Variants in ERC2 observed in about 807,000 individuals in gnomAD.
The protein encoded by ERC2 is ERC protein 2.
Under a neutral mutation model 114.8 loss-of-function variants are expected in ERC2, and 42 were observed. The ratio of observed to expected loss-of-function variants is 0.37; its 90% confidence interval spans 0.29 to 0.47. The LOEUF (loss-of-function observed/expected upper bound fraction) is 0.47, where lower values mean the gene tolerates loss of function less well. Ranked by LOEUF, ERC2 falls within the 20% of genes least tolerant of loss-of-function variation. The pLI is 0.99. For missense variants in ERC2, 939 were observed against 1,150.7 expected (o/e 0.82, Z 2.66); for synonymous variants, 454 against 425.5 (o/e 1.07, Z -0.82).
intron 7 of ERC2, among the ~76,000 whole-genome samples, chr3:56,045,665 G>A (rs2075417707): frequency 6.6e-6 from 1 of 152,118 alleles, no homozygotes; most frequent in Non-Finnish European, 1.5e-5. Flanking sequence ...AACATGAAAG[G>A]ATTTCTGGAA....
intron 17 of ERC2, among the ~76,000 whole-genome samples, chr3:55,582,606 C>T (rs1037026633): frequency 1.1e-4 from 16 of 152,242 alleles, no homozygotes; most frequent in African/African-American, 3.9e-4. Flanking sequence ...TAAGCAAGCT[C>T]AGACTACCGA....
intron 1 of ERC2, among the ~76,000 whole-genome samples, chr3:56,458,914 G>C (rs1336994058): frequency 6.6e-6 from 1 of 152,220 alleles, no homozygotes; most frequent in Non-Finnish European, 1.5e-5. Context: ...TCCTCGAGGT[G>C]ATGACAGCTG....
intron 2 of ERC2, among the ~76,000 whole-genome samples, chr3:56,335,759 A>G (rs2057819843): frequency 6.6e-6 from 1 of 152,172 alleles, no homozygotes. Flanking sequence ...TGAAAAATGT[A>G]TCTAGGGACA....
At chr3:55,633,359 C>G (rs1389840761) in intron 17 of ERC2, among the ~76,000 whole-genome samples, 1 of 152,190 alleles carries the variant, frequency 6.6e-6, no homozygotes, top group East Asian at 1.9e-4. Context: ...GCTTTAAGAA[C>G]ACTAGGCAGT....
At chr3:56,184,298 T>C (rs2083461850) in intron 3 of ERC2, among the ~76,000 whole-genome samples, 2 of 152,166 alleles carry the variant, frequency 1.3e-5, no homozygotes, top group Admixed American at 6.5e-5. Flanking sequence ...TCAATAATTA[T>C]TGGACACCTA....
chr3:55,822,125 T>C (rs2060147742), intron 14 of ERC2, among the ~76,000 whole-genome samples: 1 of 152,236 alleles, frequency 6.6e-6, no homozygotes, highest in African/African-American at 2.4e-5. Flanking sequence ...TGGGCATTTA[T>C]TCTATTGGCT....
chr3:56,085,757 C>A (rs1439778234), intron 6 of ERC2, among the ~76,000 whole-genome samples: 1 of 152,160 alleles, frequency 6.6e-6, no homozygotes, highest in Non-Finnish European at 1.5e-5. Context: ...GCAGAACATG[C>A]TGAACACTCT....
intron 1 of ERC2, among the ~76,000 whole-genome samples, chr3:56,440,017 CAT>C (rs897533087): frequency 1.3e-5 from 2 of 152,168 alleles, no homozygotes; most frequent in African/African-American, 4.8e-5. Context: ...TAAAATGTAA[CAT>C]ATATATTTTC....
At chr3:55,759,664 T>C (rs1020895256) in intron 14 of ERC2, among the ~76,000 whole-genome samples, 2 of 152,140 alleles carry the variant, frequency 1.3e-5, no homozygotes, top group African/African-American at 4.8e-5. Context: ...AAAAAGGGTT[T>C]TGGAAAACAG....
chr3:55,680,059 T>C (rs960098640), intron 17 of ERC2, among the ~76,000 whole-genome samples: 2 of 152,232 alleles, frequency 1.3e-5, no homozygotes, highest in Non-Finnish European at 2.9e-5. Flanking sequence ...CGTGTCTAAA[T>C]GTTCTGGGAT....
At chr3:56,000,679 A>C (rs2149545900) in intron 10 of ERC2, among the ~76,000 whole-genome samples, 1 of 152,270 alleles carries the variant, frequency 6.6e-6, no homozygotes, top group South Asian at 2.1e-4. Context: ...ATTTTTAATC[A>C]GTGCTGGAAG....
intron 4 of ERC2, among the ~76,000 whole-genome samples, chr3:56,171,430 A>G (rs2082660187): frequency 6.6e-6 from 1 of 152,194 alleles, no homozygotes; most frequent in South Asian, 2.1e-4. Flanking sequence ...TAGGCATCCA[A>G]AAAGACAACA....
At chr3:55,923,904 C>T (rs933908004) in intron 13 of ERC2, among the ~76,000 whole-genome samples, 3 of 152,084 alleles carry the variant, frequency 2.0e-5, no homozygotes, top group African/African-American at 4.8e-5. Flanking sequence ...AGGCAGCCAC[C>T]AATTAATCAG....
At chr3:55,864,158 CAT>C (rs780686057) in intron 14 of ERC2, among the ~76,000 whole-genome samples, 1,146 of 112,988 alleles carry the variant, frequency 0.01, 7 homozygotes, top group Middle Eastern at 0.023. Context: ...TATATATACA[CAT>C]ATATATACAC....
At chr3:56,166,315 T>C (rs566577884) in intron 4 of ERC2, among the ~76,000 whole-genome samples, 11 of 152,212 alleles carry the variant, frequency 7.2e-5, no homozygotes, top group African/African-American at 2.4e-4. Context: ...ACTCAGGAGA[T>C]TGCTTGTAAT....
intron 2 of ERC2, among the ~76,000 whole-genome samples, chr3:56,360,114 GAGTGC>G (rs1006891361): frequency 1.4e-5 from 2 of 142,542 alleles, no homozygotes; most frequent in Non-Finnish European, 3.0e-5. Flanking sequence ...ACCCAGGCTG[GAGTGC>G]AGTGAGGTGA....
chr3:56,192,268 C>T (rs1264621929), intron 3 of ERC2, among the ~76,000 whole-genome samples: 1 of 152,152 alleles, frequency 6.6e-6, no homozygotes, highest in Non-Finnish European at 1.5e-5. Context: ...TTGACACTCC[C>T]CATTGTTTGC....
intron 1 of ERC2, among the ~76,000 whole-genome samples, chr3:56,467,309 G>A (rs1308134353): frequency 6.6e-6 from 1 of 152,162 alleles, no homozygotes; most frequent in East Asian, 1.9e-4. Flanking sequence ...ATCACAGAGG[G>A]AACCGACAAT....
At chr3:56,129,772 T>C (rs1355257011) in intron 6 of ERC2, among the ~76,000 whole-genome samples, 2 of 152,306 alleles carry the variant, frequency 1.3e-5, no homozygotes, top group Middle Eastern at 3.4e-3. Flanking sequence ...ATCCATTCAT[T>C]TTCTTTCAAA....
Sources: gnomAD v4.1 joint callset for allele counts (sites outside exome capture counted in the v4.1 genomes callset) on GRCh38, gnomAD v4.1.1 for gene constraint, MANE v1.5 for transcripts, NCBI Gene and HGNC (gene_info 2026-07-23, HGNC 2026-07-21) for gene names.